Variants in MAN2A1 observed in about 807,000 individuals in gnomAD.
MAN2A1 encodes the protein mannosidase alpha class 2A member 1, also known as alpha-mannosidase 2.
A neutral mutation model predicts 142.6 loss-of-function variants in MAN2A1; 76 were observed. The ratio of observed to expected loss-of-function variants is 0.53; its 90% CI spans 0.44 to 0.65. The LOEUF (loss-of-function observed/expected upper bound fraction) is 0.65. MAN2A1 is among the 30% of genes least tolerant of loss of function. MAN2A1 has a pLI of 0.00. For synonymous variants in MAN2A1, 559 were observed against 473.2 expected, an observed-to-expected ratio of 1.18 and a Z score of -2.35; for missense variants, 1,311 against 1,365.1, an observed-to-expected ratio of 0.96 and a Z score of 0.62.
intron 8 of MAN2A1, among the ~76,000 whole-genome samples, chr5:109,780,330 A>G (rs1187433283): frequency 6.6e-6 from 1 of 152,112 alleles, no homozygotes; most frequent in Non-Finnish European, 1.5e-5. Context: ...AAGTGCTAGG[A>G]TTACAGGCGT....
intron 2 of MAN2A1, among the ~76,000 whole-genome samples, chr5:109,714,207 C>CAAGA (rs1751389792): frequency 7.0e-6 from 1 of 143,288 alleles, no homozygotes; most frequent in South Asian, 2.2e-4. Context: ...TATCCTTTTG[C>CAAGA]AAGAGGGAAG....
Position 109,868,958 on chromosome 5 carries a change from A to AAC in MAN2A1, c.*1961_*1962insCA, listed in dbSNP as rs1755949878. 6.6e-6 allele frequency: 1 copy of AAC among 152,186 alleles called. No homozygotes were observed. The highest frequency in any genetic ancestry group is 1.5e-5 in the Non-Finnish European group (1 of 68,034). The allele number at this position is 152,186 out of a possible 1,614,324, so 9.4% of individuals were successfully genotyped here. ...TGAAATAAAAAAAAAATCTTGATGC[A>AAC]ATAACAGTGGTTTTGCCACTTCTGG... On this transcript the variant is annotated 3_prime_UTR_variant, in exon 22 of 22. Transcript: ENST00000261483.
chr5:109,828,644 G>A (rs1262399845), intron 16 of MAN2A1, among the ~76,000 whole-genome samples: 2 of 152,196 alleles, frequency 1.3e-5, no homozygotes, highest in Non-Finnish European at 2.9e-5. Context: ...CTAGGCAGGT[G>A]TTTGTTAGCG....
At chr5:109,776,453 T>A (rs543082445) in intron 8 of MAN2A1, among the ~76,000 whole-genome samples, 1 of 152,110 alleles carries the variant, frequency 6.6e-6, no homozygotes, top group Non-Finnish European at 1.5e-5. Flanking sequence ...AAGGGATATA[T>A]ATATGAGTAT....
chr5:109,807,169 A>G (rs1754187613), intron 12 of MAN2A1, among the ~76,000 whole-genome samples: 1 of 152,016 alleles, frequency 6.6e-6, no homozygotes, highest in African/African-American at 2.4e-5. Flanking sequence ...CACTTCATTT[A>G]ATCTTTGCTT....
At chr5:109,719,636 A>AGTTTGTTTCATCG (rs1404859850) in intron 3 of MAN2A1, among the ~76,000 whole-genome samples, 3 of 152,146 alleles carry the variant, frequency 2.0e-5, no homozygotes, top group African/African-American at 7.2e-5. Flanking sequence ...TTAGCATAGT[A>AGTTTGTTTCATCG]GTTTGTTTCA....
At chr5:109,757,408 A>G (rs770283241) in intron 5 of MAN2A1, among the ~76,000 whole-genome samples, 1 of 152,178 alleles carries the variant, frequency 6.6e-6, no homozygotes, top group Non-Finnish European at 1.5e-5. Flanking sequence ...CTATACATTT[A>G]TTACCCAAGG....
chr5:109,711,546 A>G (rs17450979), intron 1 of MAN2A1, among the ~76,000 whole-genome samples: 1 of 152,156 alleles, frequency 6.6e-6, no homozygotes, highest in Admixed American at 6.5e-5. Context: ...CTTGTAACCA[A>G]TGTTGATGTG....
chr5:109,841,142 C>T (rs576681022), intron 16 of MAN2A1, among the ~76,000 whole-genome samples: 65 of 152,106 alleles, frequency 4.3e-4, no homozygotes, highest in Admixed American at 1.1e-3. Flanking sequence ...TCTCTCGCAC[C>T]GTTTTTAAAA....
rs1221550850 is a variant in MAN2A1 at position 109,713,724 on chromosome 5, G to A, written c.340G>A (p.Ala114Thr). The change falls in exon 2 of 22, where the codon GCA becomes ACA. Residue 114 changes from alanine (A) to threonine (T), a missense_variant. Ala to Thr is a moderately conservative substitution (Grantham distance 58). This residue lies in a region of MAN2A1 where 409 missense variants were observed against 412.7 expected (regional missense o/e 0.99). Transcript: ENST00000261483. ...ACAATTATCCCTCTCAGTTGACACT[G>A]CAGACTGTCTGTTTGCTTCACAAAG... The part of the protein sequence containing the change: ...PSQLSLSVDT[A>T]DCLFASQSGS... 22 of 1,613,900 alleles carry A rather than the reference G, an allele frequency of 1.4e-5. No homozygotes were observed. The highest frequency in any genetic ancestry group is 1.8e-5 in the Non-Finnish European group (21 of 1,179,958).
intron 1 of MAN2A1, among the ~76,000 whole-genome samples, chr5:109,707,287 T>C (rs13180361): frequency 0.17 from 26,414 of 152,190 alleles, 3,249 homozygotes; most frequent in East Asian, 0.64. Flanking sequence ...TCTTCAAAAA[T>C]GGTGTGTTTT....
At chr5:109,812,427 A>C (rs1754344014) in intron 12 of MAN2A1, among the ~76,000 whole-genome samples, 1 of 152,194 alleles carries the variant, frequency 6.6e-6, no homozygotes, top group Admixed American at 6.5e-5. Context: ...CCTAGAAAAC[A>C]AAATGGTATA....
At chr5:109,735,813 T>G (rs1561485498) in intron 4 of MAN2A1, among the ~76,000 whole-genome samples, 1 of 151,308 alleles carries the variant, frequency 6.6e-6, no homozygotes, top group Admixed American at 6.6e-5. Context: ...TGGATTTTGA[T>G]GAAAATTGAT....
intron 20 of MAN2A1, chr5:109,864,384 T>A (rs569160639): frequency 1.3e-5 from 2 of 152,362 alleles, no homozygotes; most frequent in East Asian, 3.9e-4. Flanking sequence ...CCCTCTTAGC[T>A]GACTTGTCAT....
intron 12 of MAN2A1, among the ~76,000 whole-genome samples, chr5:109,801,571 C>T (rs1461911950): frequency 6.6e-6 from 1 of 152,102 alleles, no homozygotes; most frequent in East Asian, 1.9e-4. Context: ...TAGGAAGGAG[C>T]AGCATCTGCA....
At chr5:109,824,051 T>G (rs1754698565) in intron 16 of MAN2A1, among the ~76,000 whole-genome samples, 1 of 152,234 alleles carries the variant, frequency 6.6e-6, no homozygotes, top group Non-Finnish European at 1.5e-5. Context: ...CCTCTGTATA[T>G]CTTCTCTTAA....
chr5:109,828,616 C>T (rs1307583937), intron 16 of MAN2A1, among the ~76,000 whole-genome samples: 2 of 152,106 alleles, frequency 1.3e-5, no homozygotes, highest in Non-Finnish European at 1.5e-5. Context: ...ATTTCATTGG[C>T]GCAAGGACTG....
Position 109,768,317 on chromosome 5 carries a change from A to C in MAN2A1, c.1009+609A>C, listed in dbSNP as rs56691293. 2.0e-5 allele frequency among the ~76,000 whole-genome samples: 3 copies of C among 152,170 alleles called. No homozygotes were observed. In the South Asian group the frequency reaches 6.2e-4, roughly 32 times the overall value. On this transcript the variant is annotated intron_variant, in intron 6 of 21. Transcript: ENST00000261483. ...TTTAATTCAGACCACCTTATTTTCT[A>C]TTTATTTATCGAGCCTTTATTATGG...
intron 8 of MAN2A1, 128 bp downstream of exon 8, chr5:109,775,093 TA>T: frequency 1.6e-6 from 1 of 631,214 alleles, no homozygotes. Flanking sequence ...AATTCTTGTG[TA>T]AAATATAATC....
Sources: allele counts gnomAD v4.1 joint callset (sites outside exome capture counted in the v4.1 genomes callset), GRCh38; gene constraint gnomAD v4.1.1; regional missense constraint gnomAD v4.1.1; transcripts MANE v1.5; gene names NCBI Gene and HGNC (gene_info 2026-07-23, HGNC 2026-07-21).